Variants in ANK2 observed in about 807,000 individuals in gnomAD.
The protein encoded by ANK2 is ankyrin 2.
Under a neutral mutation model 360.5 loss-of-function variants are expected in ANK2, and 83 were observed. The observed-to-expected ratio is 0.23, with a 90% CI of 0.19 to 0.28. ANK2 has a LOEUF of 0.28. Ranked by LOEUF, ANK2 falls within the 10% of genes least tolerant of loss-of-function variation. The pLI is 1.00. For missense variants in ANK2, 4,201 were observed against 4,795.7 expected (o/e 0.88, Z 3.66); for synonymous variants, 1,740 against 1,759.5 (o/e 0.99, Z 0.28).
chr4:113,375,259 C>A (rs1445491351), intron 45 of ANK2, among the ~76,000 whole-genome samples: 1 of 152,114 alleles, frequency 6.6e-6, no homozygotes, highest in Non-Finnish European at 1.5e-5. Context: ...AAGTGTCTTG[C>A]TTTGTCAATT....
chr4:113,163,789 A>G (rs1280029673), intron 1 of ANK2, among the ~76,000 whole-genome samples: 3 of 105,318 alleles, frequency 2.8e-5, no homozygotes, highest in Non-Finnish European at 4.7e-5. Context: ...AAAAAAAAAA[A>G]AAAGAAAACC....
chr4:112,716,803 A>C, the ANK2 span, among the ~76,000 whole-genome samples: 1 of 152,212 alleles, frequency 6.6e-6, no homozygotes, highest in African/African-American at 2.4e-5. Context: ...TGTGGTAATA[A>C]CATCACATAT....
At chr4:113,197,193 A>G (rs1220186048) in intron 3 of ANK2, among the ~76,000 whole-genome samples, 1 of 152,224 alleles carries the variant, frequency 6.6e-6, no homozygotes, top group Admixed American at 6.5e-5. Flanking sequence ...TCTAATAAGA[A>G]AAGAGATTTT....
the ANK2 span, among the ~76,000 whole-genome samples, chr4:112,723,649 C>T: frequency 6.6e-6 from 1 of 152,190 alleles, no homozygotes; most frequent in Non-Finnish European, 1.5e-5. Flanking sequence ...CAGGCACGAG[C>T]CACCGCCCCC....
chr4:113,360,136 A>G (rs1056393376), intron 38 of ANK2, among the ~76,000 whole-genome samples: 1 of 152,228 alleles, frequency 6.6e-6, no homozygotes, highest in African/African-American at 2.4e-5. Flanking sequence ...CCTATCAATC[A>G]GTGGGAGTTA....
chr4:113,047,543 T>C (rs956772790), upstream of ANK2, among the ~76,000 whole-genome samples: 1 of 151,302 alleles, frequency 6.6e-6, no homozygotes, highest in Non-Finnish European at 1.5e-5. Flanking sequence ...TGGGACGAGG[T>C]GAGGGAATGA....
Position 113,168,294 on chromosome 4 carries a change from G to T in ANK2, c.85-6122G>T, listed in dbSNP as rs113418132. On this transcript the variant is annotated intron_variant, in intron 1 of 45. Coordinates refer to ENST00000357077, the MANE Select transcript of ANK2 (RefSeq NM_001148.6). ...TTTAGTTAAACTTAGATATTGTTAT[G>T]ATTCCAATTCTCAATTTTGTGTGAA... Among the ~76,000 whole-genome samples, 352 of 152,250 alleles carry T rather than the reference G, an allele frequency of 2.3e-3. 1 individual carries two copies. The highest frequency in any genetic ancestry group is 8.2e-3 in the African/African-American group (341 of 41,558).
intron 1 of ANK2, among the ~76,000 whole-genome samples, chr4:113,083,595 G>T (rs1172579491): frequency 1.3e-5 from 2 of 152,100 alleles, no homozygotes; most frequent in African/African-American, 2.4e-5. Context: ...AGAGAGAGGG[G>T]TTACTATTTA....
At chr4:113,186,899 T>C (rs1219583228) in intron 2 of ANK2, among the ~76,000 whole-genome samples, 1 of 151,358 alleles carries the variant, frequency 6.6e-6, no homozygotes, top group African/African-American at 2.4e-5. Flanking sequence ...GAGCCTCATG[T>C]GGCAGTTGTT....
chr4:112,740,209 T>G, the ANK2 span, among the ~76,000 whole-genome samples: 1 of 152,100 alleles, frequency 6.6e-6, no homozygotes, highest in South Asian at 2.1e-4. Flanking sequence ...AAAAGTATTA[T>G]TCTCTTTTTT....
At chr4:112,872,020 A>G (rs1298327135) in intron 1 of ANK2, among the ~76,000 whole-genome samples, 3 of 146,222 alleles carry the variant, frequency 2.1e-5, no homozygotes, top group African/African-American at 7.5e-5. Flanking sequence ...GGGTTTTTGC[A>G]TCTGTATTTT....
intron 4 of ANK2, among the ~76,000 whole-genome samples, chr4:113,213,645 T>G (rs966352990): frequency 5.9e-5 from 9 of 152,224 alleles, no homozygotes; most frequent in African/African-American, 1.9e-4. Flanking sequence ...ATATGCCCTC[T>G]GGAATCAGCC....
At chr4:112,958,575 G>C (rs1242150285) in intron 2 of ANK2, among the ~76,000 whole-genome samples, 11 of 152,152 alleles carry the variant, frequency 7.2e-5, no homozygotes, top group Admixed American at 7.2e-4. Flanking sequence ...GCATCAGAGG[G>C]AGACCTTGGA....
At chr4:113,196,591 A>G (rs1401172329) in intron 3 of ANK2, 125 bp downstream of exon 3, 2 of 883,234 alleles carry the variant, frequency 2.3e-6, no homozygotes, top group Admixed American at 2.1e-5. Context: ...GCAGTGGTAC[A>G]ATCACGGCTC....
intron 1 of ANK2, among the ~76,000 whole-genome samples, chr4:112,832,154 C>T (rs2059922705): frequency 6.6e-6 from 1 of 152,210 alleles, no homozygotes; most frequent in African/African-American, 2.4e-5. Flanking sequence ...CATGTTCAAG[C>T]AATTGTCCTG....
chr4:112,772,140 G>C, the ANK2 span, among the ~76,000 whole-genome samples: 2 of 152,158 alleles, frequency 1.3e-5, no homozygotes, highest in East Asian at 1.9e-4. Context: ...ACATACCCGA[G>C]ACTGGGTAAT....
chr4:112,919,587 T>C (rs2090918216), intron 2 of ANK2, among the ~76,000 whole-genome samples: 1 of 152,146 alleles, frequency 6.6e-6, no homozygotes, highest in Non-Finnish European at 1.5e-5. Flanking sequence ...TTCTCTTTAT[T>C]TTTCATAAGA....
the ANK2 span, chr4:112,789,023 T>C: frequency 2.0e-6 from 1 of 505,874 alleles, no homozygotes; most frequent in Non-Finnish European, 3.5e-6. Context: ...GGATTCTATG[T>C]AATAGATTAC....
intron 1 of ANK2, among the ~76,000 whole-genome samples, chr4:113,159,250 G>A (rs981394928): frequency 6.7e-6 from 1 of 148,816 alleles, no homozygotes; most frequent in African/African-American, 2.5e-5. Flanking sequence ...TTATATTACA[G>A]GTAGATATTT....
Sources: allele counts gnomAD v4.1 joint callset (sites outside exome capture counted in the v4.1 genomes callset), GRCh38; gene constraint gnomAD v4.1.1; transcripts MANE v1.5; gene names NCBI Gene and HGNC (gene_info 2026-07-23, HGNC 2026-07-21).